The following SPAG16 variants were observed in gnomAD, a reference collection of about 807,000 sequenced individuals.
The protein encoded by SPAG16 is sperm associated antigen 16.
SPAG16 carries 86 observed loss-of-function variants against 80.4 expected under a neutral mutation model. The ratio of observed to expected loss-of-function variants is 1.07; its 90% CI spans 0.90 to 1.28. The LOEUF is 1.28. SPAG16 is among the 50% of genes most tolerant of loss of function. The pLI is 0.00. For missense variants in SPAG16, 870 were observed against 765.3 expected (o/e 1.14, Z -1.61); for synonymous variants, 294 against 265.9 (o/e 1.11, Z -1.03).
chr2:214,211,678 C>T (rs905714317), intron 15 of SPAG16, among the ~76,000 whole-genome samples: 1 of 152,266 alleles, frequency 6.6e-6, no homozygotes, highest in East Asian at 1.9e-4. Flanking sequence ...AAGCCACAGG[C>T]TCCTATCTCC....
chr2:213,882,959 G>A (rs929463776), intron 11 of SPAG16, among the ~76,000 whole-genome samples: 18 of 152,046 alleles, frequency 1.2e-4, no homozygotes, highest in African/African-American at 3.4e-4. Context: ...TGCAAGCTCC[G>A]CCTCCCAGGC....
At chr2:213,641,634 G>C (rs921037810) in intron 10 of SPAG16, among the ~76,000 whole-genome samples, 5 of 152,178 alleles carry the variant, frequency 3.3e-5, no homozygotes, top group African/African-American at 4.8e-5. Flanking sequence ...TCTTCCCATT[G>C]CTCATTCTAC....
intron 15 of SPAG16, among the ~76,000 whole-genome samples, chr2:214,306,850 T>C (rs1694951939): frequency 6.6e-6 from 1 of 152,104 alleles, no homozygotes; most frequent in Admixed American, 6.6e-5. Flanking sequence ...GTTTTGTTTT[T>C]GTTATTGTAT....
intron 12 of SPAG16, among the ~76,000 whole-genome samples, chr2:213,982,613 GT>G: frequency 8.3e-6 from 1 of 121,194 alleles, no homozygotes; most frequent in East Asian, 2.3e-4. Flanking sequence ...AGTTTCTGGT[GT>G]GTGTGTGTGT....
In SPAG16 at chr2:214,021,820, A is replaced by G. The variant is rs566429508; in HGVS notation, c.1527+7743A>G. On this transcript the variant is annotated intron_variant, in intron 13 of 15. Coordinates refer to ENST00000331683, the MANE Select transcript of SPAG16 (RefSeq NM_024532.5). ...TAGAGACTTACTGCTTTCTCACTAA[A>G]TAAACATCTACTACCATCAGTTATT... Among the ~76,000 whole-genome samples the G allele has an allele frequency of 2.6e-5, 4 of 152,232 alleles. No homozygotes were observed. In the South Asian group the frequency reaches 8.3e-4, roughly 32 times the overall value.
At chr2:213,456,153 A>C (rs1262540419) in intron 9 of SPAG16, among the ~76,000 whole-genome samples, 1 of 152,084 alleles carries the variant, frequency 6.6e-6, no homozygotes, top group Non-Finnish European at 1.5e-5. Flanking sequence ...ATATTATGTT[A>C]TTATTTATCA....
chr2:213,468,508 T>C (rs1332125664), intron 9 of SPAG16, among the ~76,000 whole-genome samples: 3 of 139,566 alleles, frequency 2.1e-5, no homozygotes, highest in African/African-American at 5.6e-5. Flanking sequence ...TATATAGATA[T>C]ATATATATCT....
At chr2:213,680,372 A>G (rs1428002599) in intron 10 of SPAG16, among the ~76,000 whole-genome samples, 1 of 152,014 alleles carries the variant, frequency 6.6e-6, no homozygotes, top group Non-Finnish European at 1.5e-5. Flanking sequence ...TTTTGGCATT[A>G]CAACTCAAAA....
intron 10 of SPAG16, among the ~76,000 whole-genome samples, chr2:213,583,145 T>C (rs2060351208): frequency 6.6e-6 from 1 of 152,152 alleles, no homozygotes; most frequent in Non-Finnish European, 1.5e-5. Flanking sequence ...TATAGTATAT[T>C]GATGTATAAA....
intron 15 of SPAG16, among the ~76,000 whole-genome samples, chr2:214,364,176 T>C (rs1315885231): frequency 6.6e-6 from 1 of 152,126 alleles, no homozygotes; most frequent in Non-Finnish European, 1.5e-5. Flanking sequence ...TAATTCTTCC[T>C]GCTCCTTTCC....
At chr2:213,405,381 A>G (rs543389619) in intron 9 of SPAG16, among the ~76,000 whole-genome samples, 63 of 152,326 alleles carry the variant, frequency 4.1e-4, no homozygotes, top group African/African-American at 1.4e-3. Flanking sequence ...TATGGGGTAC[A>G]TGTGATATTT....
At chr2:213,722,544 C>T (rs1337743550) in intron 10 of SPAG16, among the ~76,000 whole-genome samples, 1 of 152,122 alleles carries the variant, frequency 6.6e-6, no homozygotes, top group African/African-American at 2.4e-5. Context: ...GTGTGCAGAG[C>T]ATGGGTCAAA....
intron 9 of SPAG16, among the ~76,000 whole-genome samples, chr2:213,429,398 C>T (rs2070150224): frequency 6.6e-6 from 1 of 152,136 alleles, no homozygotes; most frequent in Non-Finnish European, 1.5e-5. Context: ...GGACCCAGAT[C>T]ATTAAGTTGC....
chr2:214,178,197 C>T (rs186869934), intron 15 of SPAG16, among the ~76,000 whole-genome samples: 180 of 149,278 alleles, frequency 1.2e-3, no homozygotes, highest in African/African-American at 3.9e-3. Context: ...GAGAATAAAA[C>T]GTTCTTATTT....
In SPAG16 at chr2:214,268,912, G is replaced by A. The variant is rs574549962; in HGVS notation, c.1720+119646G>A. On this transcript the variant is annotated intron_variant, in intron 15 of 15. Transcript: ENST00000331683. ...CGGCAGTAATTTTTTGAAAGTCAGA[G>A]ATGGCTGCATGTAAATGTTACTAAG... Among the ~76,000 whole-genome samples the A allele has an allele frequency of 1.7e-3, 251 of 152,038 alleles. 1 individual carries two copies. The highest frequency in any genetic ancestry group is 2.7e-3 in the Non-Finnish European group (182 of 67,846).
chr2:214,173,077 G>C (rs1351777383), intron 15 of SPAG16, among the ~76,000 whole-genome samples: 3 of 151,868 alleles, frequency 2.0e-5, no homozygotes, highest in Non-Finnish European at 4.4e-5. Context: ...AGTTTCTTTT[G>C]CTGTGCAGAA....
chr2:213,326,628 A>G (rs948676945), intron 5 of SPAG16, among the ~76,000 whole-genome samples: 2 of 152,040 alleles, frequency 1.3e-5, no homozygotes, highest in Non-Finnish European at 2.9e-5. Context: ...CCAATTGAAG[A>G]TAATGGAATA....
At chr2:213,762,026 GA>G (rs1266199481) in intron 10 of SPAG16, among the ~76,000 whole-genome samples, 24 of 152,260 alleles carry the variant, frequency 1.6e-4, no homozygotes, top group African/African-American at 5.8e-4. Context: ...TTTCTTCTTG[GA>G]ATGCAAGGGT....
intron 10 of SPAG16, among the ~76,000 whole-genome samples, chr2:213,552,647 G>A (rs1389904792): frequency 1.3e-5 from 2 of 152,152 alleles, no homozygotes; most frequent in African/African-American, 4.8e-5. Context: ...TTAATATTGA[G>A]TGTCAACTTG....
Sources: allele counts gnomAD v4.1 joint callset (sites outside exome capture counted in the v4.1 genomes callset), GRCh38; gene constraint gnomAD v4.1.1; transcripts MANE v1.5; gene names NCBI Gene and HGNC (gene_info 2026-07-23, HGNC 2026-07-21).